The following UVRAG variants were observed in gnomAD, a reference collection of about 807,000 sequenced individuals.
UVRAG encodes the protein UV radiation resistance associated.
In UVRAG, 19 loss-of-function variants were observed where a neutral mutation model predicts 78.0. The ratio of observed to expected loss-of-function variants is 0.24; its 90% CI spans 0.17 to 0.36. The LOEUF (loss-of-function observed/expected upper bound fraction) is 0.36. Among genes scored for constraint, UVRAG ranks in the 10% least tolerant of loss-of-function variants. UVRAG has a pLI of 1.00. For missense variants in UVRAG, 740 were observed against 853.8 expected (o/e 0.87, Z 1.66); for synonymous variants, 323 against 324.6 (o/e 1.00, Z 0.05).
At chr11:76,006,674 AAAAAAAAAAAAAGAG>A (rs923380881) in intron 9 of UVRAG, among the ~76,000 whole-genome samples, 5 of 150,638 alleles carry the variant, frequency 3.3e-5, no homozygotes, top group African/African-American at 9.7e-5. Flanking sequence ...AAAAAAAAAA[AAAAAAAAAAAAAGAG>A]AGAGAGAAGG....
chr11:76,040,699 G>T lies in UVRAG; in HGVS notation c.1226+23719G>T, dbSNP rs887232437. ...GCCTCCCGAGTAGCTGGGATTACAG[G>T]CACGCGCAACCACACCCGGCTTAAT... On this transcript the variant is annotated intron_variant, in intron 12 of 14. Coordinates refer to ENST00000356136, the MANE Select transcript of UVRAG (RefSeq NM_003369.4). Among the ~76,000 whole-genome samples, 58 of 151,946 alleles carry T rather than the reference G, an allele frequency of 3.8e-4. 1 individual carries two copies. The highest frequency in any genetic ancestry group is 3.2e-3 in the Middle Eastern group (1 of 316).
intron 12 of UVRAG, among the ~76,000 whole-genome samples, chr11:76,055,060 AGGAAGCTG>A (rs1950954353): frequency 6.6e-6 from 1 of 152,106 alleles, no homozygotes; most frequent in East Asian, 1.9e-4. Flanking sequence ...TTCCACCTAT[AGGAAGCTG>A]CCTACGATTA....
At chr11:75,855,759 TTTTTC>T (rs1375176346) in intron 2 of UVRAG, among the ~76,000 whole-genome samples, 6 of 152,152 alleles carry the variant, frequency 3.9e-5, no homozygotes, top group Admixed American at 1.3e-4. Context: ...GGTTTCTAAG[TTTTTC>T]TTTTATTTCA....
At chr11:75,859,359 G>C (rs1187348245) in intron 2 of UVRAG, among the ~76,000 whole-genome samples, 3 of 150,890 alleles carry the variant, frequency 2.0e-5, no homozygotes, top group Non-Finnish European at 4.4e-5. Context: ...CTGGGTGACA[G>C]AGTGAGACCC....
intron 7 of UVRAG, among the ~76,000 whole-genome samples, chr11:75,966,581 T>C (rs1213873141): frequency 6.6e-6 from 1 of 152,222 alleles, no homozygotes; most frequent in Non-Finnish European, 1.5e-5. Flanking sequence ...TTCTAACATC[T>C]GGATCATCTT....
chr11:75,955,724 C>T (rs1948782846), intron 6 of UVRAG, among the ~76,000 whole-genome samples: 1 of 152,136 alleles, frequency 6.6e-6, no homozygotes, highest in Non-Finnish European at 1.5e-5. Context: ...TAGCGAGACT[C>T]TGTCTCTACA....
chr11:75,821,156 A>G (rs1338524221), intron 1 of UVRAG, among the ~76,000 whole-genome samples: 1 of 152,100 alleles, frequency 6.6e-6, no homozygotes, highest in Non-Finnish European at 1.5e-5. Flanking sequence ...TGGGTACCTC[A>G]TATAAGTGGC....
At chr11:75,876,819 G>GA in intron 3 of UVRAG, among the ~76,000 whole-genome samples, 1 of 151,740 alleles carries the variant, frequency 6.6e-6, no homozygotes, top group East Asian at 1.9e-4. Flanking sequence ...ATTCAGCAGT[G>GA]AAAGCCCTTA....
At chr11:75,888,606 G>A (rs1242935777) in intron 4 of UVRAG, among the ~76,000 whole-genome samples, 1 of 152,176 alleles carries the variant, frequency 6.6e-6, no homozygotes, top group Non-Finnish European at 1.5e-5. Flanking sequence ...GATGGTGCCT[G>A]TGATTGCATG....
intron 1 of UVRAG, among the ~76,000 whole-genome samples, chr11:75,844,866 T>C (rs765576291): frequency 2.0e-5 from 3 of 152,020 alleles, no homozygotes; most frequent in African/African-American, 7.3e-5. Context: ...AGTTTTGCCA[T>C]GTTGCCCAGG....
chr11:75,885,195 C>T (rs1489221572), intron 4 of UVRAG, among the ~76,000 whole-genome samples: 3 of 152,000 alleles, frequency 2.0e-5, no homozygotes, highest in Admixed American at 6.5e-5. Context: ...TTGTATTCTA[C>T]ACCCTTGCTA....
At chr11:75,946,206 A>G (rs1948585616) in intron 6 of UVRAG, among the ~76,000 whole-genome samples, 1 of 152,156 alleles carries the variant, frequency 6.6e-6, no homozygotes, top group East Asian at 1.9e-4. Context: ...TTAACACTAG[A>G]CTCAGTATTA....
At chr11:76,006,234 A>AT (rs1949935469) in intron 9 of UVRAG, among the ~76,000 whole-genome samples, 1 of 152,160 alleles carries the variant, frequency 6.6e-6, no homozygotes, top group South Asian at 2.1e-4. Context: ...CAAAGACCAT[A>AT]TATATGTCAT....
At chr11:75,828,801 A>T (rs201754112) in intron 1 of UVRAG, among the ~76,000 whole-genome samples, 3,574 of 74,728 alleles carry the variant, frequency 0.048, 137 homozygotes, top group African/African-American at 0.064. Context: ...ATATATATAT[A>T]TATATTTTTT....
At chr11:75,954,753 A>T (rs1565397104) in intron 6 of UVRAG, among the ~76,000 whole-genome samples, 1 of 152,194 alleles carries the variant, frequency 6.6e-6, no homozygotes, top group Non-Finnish European at 1.5e-5. Context: ...CCCCAGAAAG[A>T]TCTGGTGAAA....
At chr11:76,018,478 C>T (rs7949819) in intron 12 of UVRAG, among the ~76,000 whole-genome samples, 12,470 of 152,052 alleles carry the variant, frequency 0.082, 1,063 homozygotes, top group African/African-American at 0.22. Flanking sequence ...GGCGCAATCT[C>T]GGCTCACTGC....
At chr11:75,940,820 G>A (rs1417714520) in intron 6 of UVRAG, among the ~76,000 whole-genome samples, 20 of 152,144 alleles carry the variant, frequency 1.3e-4, no homozygotes. Context: ...ATAAGCCACT[G>A]AGCTGGGATT....
intron 6 of UVRAG, among the ~76,000 whole-genome samples, chr11:75,948,859 A>G (rs537167989): frequency 3.9e-5 from 6 of 152,180 alleles, no homozygotes; most frequent in Non-Finnish European, 7.4e-5. Context: ...ATTAGCACGA[A>G]TCTTTGAAAT....
intron 12 of UVRAG, among the ~76,000 whole-genome samples, chr11:76,058,399 A>G (rs1341264406): frequency 1.3e-5 from 2 of 151,776 alleles, no homozygotes; most frequent in African/African-American, 4.8e-5. Flanking sequence ...CAGGTGTGGT[A>G]GTGCACACCT....
Sources: gnomAD v4.1 joint callset for allele counts (sites outside exome capture counted in the v4.1 genomes callset) on GRCh38, gnomAD v4.1.1 for gene constraint, MANE v1.5 for transcripts, NCBI Gene and HGNC (gene_info 2026-07-23, HGNC 2026-07-21) for gene names.